OTUD7A: variants seen among roughly 807,000 people sequenced by gnomAD.
The protein encoded by OTUD7A is OTU domain-containing protein 7A.
Under a neutral mutation model 65.7 loss-of-function variants are expected in OTUD7A, and 12 were observed. That is an observed-to-expected ratio of 0.18 (90% confidence interval 0.12 to 0.30). OTUD7A has a LOEUF of 0.30. Ranked by LOEUF, OTUD7A falls within the 10% of genes least tolerant of loss-of-function variation. OTUD7A has a pLI of 1.00. For missense variants in OTUD7A, 1,148 were observed against 1,304.8 expected (o/e 0.88, Z 1.85); for synonymous variants, 641 against 586.3 (o/e 1.09, Z -1.35).
chr15:31,593,799 A>G (rs550361388), intron 3 of OTUD7A, among the ~76,000 whole-genome samples: 1 of 152,352 alleles, frequency 6.6e-6, no homozygotes, highest in South Asian at 2.1e-4. Flanking sequence ...AAATGAATTC[A>G]GTGGCTATAT....
chr15:31,547,384 A>G (rs1252821247), intron 5 of OTUD7A, among the ~76,000 whole-genome samples: 2 of 152,218 alleles, frequency 1.3e-5, no homozygotes, highest in Admixed American at 1.3e-4. Flanking sequence ...GAATTGTTGA[A>G]CAGGCTGGCT....
At chr15:31,865,125 T>TTCAAGGG (rs1434914723) in intron 1 of OTUD7A, among the ~76,000 whole-genome samples, 1 of 152,216 alleles carries the variant, frequency 6.6e-6, no homozygotes, top group Non-Finnish European at 1.5e-5. Context: ...TGATGATTCT[T>TTCAAGGG]TCAAGAGATG....
At chr15:31,694,669 G>A (rs960799240) in intron 1 of OTUD7A, among the ~76,000 whole-genome samples, 4 of 152,192 alleles carry the variant, frequency 2.6e-5, no homozygotes, top group Admixed American at 6.5e-5. Context: ...CTCTGCTTCC[G>A]TGAGTTCACC....
intron 1 of OTUD7A, among the ~76,000 whole-genome samples, chr15:31,802,103 ATGTGTGTG>A (rs1255794707): frequency 6.4e-3 from 228 of 35,548 alleles, no homozygotes; most frequent in East Asian, 0.017. Flanking sequence ...GTGTGTATAT[ATGTGTGTG>A]TGTGTGTGTG....
At chr15:31,789,064 C>G (rs984709024) in intron 1 of OTUD7A, among the ~76,000 whole-genome samples, 1 of 152,158 alleles carries the variant, frequency 6.6e-6, no homozygotes, top group Non-Finnish European at 1.5e-5. Flanking sequence ...TCTGGCATCA[C>G]TAAAGTCTTG....
rs2041038754 is a variant in OTUD7A at position 31,477,349 on chromosome 15, A to G, written c.*5945T>C. 1 of 152,264 alleles carries G rather than the reference A, an allele frequency of 6.6e-6. No individual in the cohort carries two copies. The highest frequency in any genetic ancestry group is 2.4e-5 in the African/African-American group (1 of 41,450). The allele number at this position is 152,264 out of a possible 1,614,324, so 9.4% of individuals were successfully genotyped here. A position where few individuals can be genotyped will look rare whatever the true frequency, so the allele number is the denominator to read the frequency against. ...GTCCAGGTCTACAGTGACCTCATGGAGTGATGGGAACCCACTACTGTGCAT... is the reference window on the plus strand; with the variant it reads ...GTCCAGGTCTACAGTGACCTCATGGGGTGATGGGAACCCACTACTGTGCAT... On this transcript the variant is annotated 3_prime_UTR_variant, in exon 13 of 13. Transcript: ENST00000307050.
intron 3 of OTUD7A, among the ~76,000 whole-genome samples, chr15:31,592,766 G>C (rs527844655): frequency 1.4e-5 from 2 of 147,836 alleles, no homozygotes; most frequent in South Asian, 2.2e-4. Context: ...TGTAGTCCCA[G>C]CTACTTGCAA....
intron 5 of OTUD7A, among the ~76,000 whole-genome samples, chr15:31,541,825 C>A (rs984042430): frequency 3.3e-5 from 5 of 152,064 alleles, no homozygotes; most frequent in Middle Eastern, 6.3e-3. Flanking sequence ...GAGTTAGGAT[C>A]CTCAAAAACT....
At chr15:31,804,458 C>T (rs996613539) in intron 1 of OTUD7A, among the ~76,000 whole-genome samples, 4 of 152,136 alleles carry the variant, frequency 2.6e-5, no homozygotes, top group African/African-American at 4.8e-5. Flanking sequence ...CTGGACCAAC[C>T]CCTCCCGAGG....
chr15:31,621,837 G>A (rs1302946752), intron 3 of OTUD7A, among the ~76,000 whole-genome samples: 2 of 151,674 alleles, frequency 1.3e-5, no homozygotes, highest in African/African-American at 2.4e-5. Flanking sequence ...TTGCTCGTTA[G>A]TTGATGCAGT....
intron 8 of OTUD7A, among the ~76,000 whole-genome samples, chr15:31,511,191 C>T (rs188169421): frequency 0.098 from 248 of 2,522 alleles, 56 homozygotes; most frequent in African/African-American, 0.13. Context: ...ATATGTAACA[C>T]ACATATGTAT....
At chr15:31,772,746 T>C (rs1019326521) in intron 1 of OTUD7A, among the ~76,000 whole-genome samples, 1 of 152,260 alleles carries the variant, frequency 6.6e-6, no homozygotes, top group African/African-American at 2.4e-5. Context: ...ATTCCTTTTA[T>C]GTATATTAAA....
intron 1 of OTUD7A, among the ~76,000 whole-genome samples, chr15:31,866,832 T>C (rs1266856463): frequency 6.6e-6 from 1 of 152,196 alleles, no homozygotes; most frequent in Admixed American, 6.5e-5. Flanking sequence ...CTGAAAAACA[T>C]GTTATTCCCA....
intron 1 of OTUD7A, among the ~76,000 whole-genome samples, chr15:31,773,178 T>A (rs530648186): frequency 6.6e-6 from 1 of 152,358 alleles, no homozygotes; most frequent in East Asian, 1.9e-4. Context: ...TGGAGTTTTG[T>A]TTATATAAAA....
intron 3 of OTUD7A, among the ~76,000 whole-genome samples, chr15:31,645,842 C>G (rs1421242350): frequency 3.3e-5 from 5 of 152,134 alleles, no homozygotes; most frequent in Middle Eastern, 3.2e-3. Flanking sequence ...TAGAACACAG[C>G]TGCCTATAGA....
At chr15:31,821,081 C>G (rs10450986) in intron 1 of OTUD7A, among the ~76,000 whole-genome samples, 1 of 150,106 alleles carries the variant, frequency 6.7e-6, no homozygotes, top group Non-Finnish European at 1.5e-5. Context: ...GCTCCTTTTG[C>G]GTAACATATT....
At chr15:31,844,036 A>G (rs1897245559) in intron 1 of OTUD7A, among the ~76,000 whole-genome samples, 1 of 152,226 alleles carries the variant, frequency 6.6e-6, no homozygotes, top group South Asian at 2.1e-4. Flanking sequence ...AAGCCCATCC[A>G]AAGTTCTAAG....
chr15:31,635,667 A>C (rs1448589481), intron 3 of OTUD7A, among the ~76,000 whole-genome samples: 1 of 152,252 alleles, frequency 6.6e-6, no homozygotes, highest in Non-Finnish European at 1.5e-5. Context: ...GCAAATGATA[A>C]AATTCTAAGA....
chr15:31,585,675 C>T (rs1228009693), intron 3 of OTUD7A, among the ~76,000 whole-genome samples: 1 of 152,186 alleles, frequency 6.6e-6, no homozygotes, highest in Admixed American at 6.5e-5. Flanking sequence ...AAATCCTTCT[C>T]ACTTGCAACC....
Sources: allele counts gnomAD v4.1 joint callset (sites outside exome capture counted in the v4.1 genomes callset), GRCh38; gene constraint gnomAD v4.1.1; transcripts MANE v1.5; gene names NCBI Gene and HGNC (gene_info 2026-07-23, HGNC 2026-07-21).